PPIL6: variants seen among roughly 807,000 people sequenced by gnomAD.
PPIL6 encodes peptidylprolyl isomerase like 6.
PPIL6 carries 39 observed loss-of-function variants against 36.8 expected under a neutral mutation model. That is an observed-to-expected ratio of 1.06 (90% CI 0.82 to 1.38). PPIL6 has a LOEUF of 1.38. PPIL6 is among the 40% of genes most tolerant of loss of function. PPIL6 has a pLI of 0.00. For missense variants in PPIL6, 368 were observed against 379.1 expected (o/e 0.97, Z 0.24); for synonymous variants, 123 against 134.1 (o/e 0.92, Z 0.57).
At chr6:109,419,367 G>A in intron 5 of PPIL6, 124 bp from the exon 6 acceptor site, 1 of 635,470 alleles carries the variant, frequency 1.6e-6, no homozygotes, top group Non-Finnish European at 2.8e-6. Context: ...GATCACTGGA[G>A]CCCAGGAGTT....
rs968672491 is a variant in PPIL6 at position 109,418,930 on chromosome 6, C to T, written c.688+257G>A. On this transcript the variant is annotated intron_variant, in intron 6 of 7. Coordinates refer to ENST00000521072, the MANE Select transcript of PPIL6 (RefSeq NM_173672.5). ...TTACAAGCCCTAAAAATATAAATTC[C>T]CTTTGACTCTACAATCCTAATTCTG... 7.1e-4 allele frequency among the ~76,000 whole-genome samples: 108 copies of T among 152,220 alleles called. 1 individual carries two copies. Among genetic ancestry groups the T allele is most frequent in the African/African-American group, 2.6e-3 (106 of 41,522 alleles).
Position 109,437,640 on chromosome 6 carries a change from C to T in PPIL6, c.136-1441G>A, listed in dbSNP as rs562079362. On this transcript the variant is annotated intron_variant, in intron 1 of 7. Coordinates refer to ENST00000521072, the MANE Select transcript of PPIL6 (RefSeq NM_173672.5). The stretch of plus-strand genomic sequence containing the variant: ...TGTGACCTCAGCTCACTGCAACCTC[C>T]GTCTCCTGGGTTCAAGCAATTCTCC... 4.0e-4 allele frequency among the ~76,000 whole-genome samples: 60 copies of T among 149,048 alleles called. No homozygotes were observed. The South Asian group carries it at 0.01, about 26-fold the overall frequency.
chr6:109,427,200 A>C, intron 3 of PPIL6, 44 bp from the exon 4 acceptor site: 1 of 1,460,982 alleles, frequency 6.8e-7, no homozygotes, highest in Non-Finnish European at 9.4e-7. Context: ...TCAAAGTCTT[A>C]CAAGAAAGTT....
intron 6 of PPIL6, 132 bp downstream of exon 6, chr6:109,419,055 T>C: frequency 1.6e-6 from 1 of 644,418 alleles, no homozygotes; most frequent in South Asian, 2.1e-5. Context: ...CCCGATCTGC[T>C]CATTTTTACC....
At chr6:109,412,835 A>T (rs1407180454) in intron 6 of PPIL6, among the ~76,000 whole-genome samples, 1 of 152,216 alleles carries the variant, frequency 6.6e-6, no homozygotes, top group Non-Finnish European at 1.5e-5. Context: ...ATATCAAGTT[A>T]AAAAGATTCT....
chr6:109,407,722 G>A (rs6907946), intron 6 of PPIL6, among the ~76,000 whole-genome samples: 12,903 of 152,116 alleles, frequency 0.085, 1,460 homozygotes, highest in African/African-American at 0.26. Context: ...ACCATCACCA[G>A]TGTACTTTAC....
chr6:109,437,025 T>C (rs1774485965), intron 1 of PPIL6, among the ~76,000 whole-genome samples: 1 of 152,240 alleles, frequency 6.6e-6, no homozygotes, highest in Non-Finnish European at 1.5e-5. Flanking sequence ...AACGTTGTGG[T>C]TATACCCCTT....
In PPIL6 at chr6:109,413,235, A is replaced by C. The variant is rs1773094247; in HGVS notation, c.688+5952T>G. On this transcript the variant is annotated intron_variant, in intron 6 of 7. Coordinates refer to ENST00000521072, the MANE Select transcript of PPIL6 (RefSeq NM_173672.5). This position sits in a 1 kb window ranked among gnomAD's most constrained non-coding sequence, Gnocchi z 4.6. ...CATCTGACGAGGGATTAATAACCAG[A>C]ATATATAAGGAGCTCAAACAACTCT... is the stretch of plus-strand genomic sequence containing the variant. 1.3e-5 allele frequency among the ~76,000 whole-genome samples: 2 copies of C among 152,162 alleles called. No homozygotes were observed. The highest frequency in any genetic ancestry group is 1.3e-4 in the Admixed American group (2 of 15,274).
intron 2 of PPIL6, among the ~76,000 whole-genome samples, chr6:109,432,489 T>C (rs1774211508): frequency 1.3e-5 from 2 of 152,162 alleles, no homozygotes; most frequent in South Asian, 4.1e-4. Context: ...GGAACAGCCA[T>C]GCTCAAACTT....
chr6:109,431,283 A>G lies in PPIL6; in HGVS notation c.294T>C (p.Phe98=), dbSNP rs1323994100. ...SSVISFVNGQ[F]LGDALDLQKW... The stretch of plus-strand genomic sequence containing the variant: ...TCTGCAGATCCAATGCATCACCCAG[A>G]AACTGACCATTAACAAAAGAAATCA... The change falls in exon 3 of 8, where the codon TTT becomes TTC. Residue 98 remains phenylalanine, a synonymous_variant. Transcript: ENST00000521072. 6.2e-7 allele frequency: 1 copy of G among 1,613,388 alleles called. No homozygotes were observed. The highest frequency in any genetic ancestry group is 1.1e-5 in the South Asian group (1 of 90,894).
intron 2 of PPIL6, among the ~76,000 whole-genome samples, chr6:109,432,352 T>TA (rs1405757098): frequency 6.6e-6 from 1 of 152,124 alleles, no homozygotes; most frequent in East Asian, 1.9e-4. Flanking sequence ...TGCAGTGTGT[T>TA]AGTGTTTTCA....
chr6:109,411,415 G>A (rs1467699707), intron 6 of PPIL6, among the ~76,000 whole-genome samples: 1 of 152,210 alleles, frequency 6.6e-6, no homozygotes, highest in African/African-American at 2.4e-5. Flanking sequence ...TTTACTAGCT[G>A]AACATGGTGG....
chr6:109,399,041 G>A (rs928510778), intron 7 of PPIL6, among the ~76,000 whole-genome samples: 5 of 151,694 alleles, frequency 3.3e-5, no homozygotes, highest in Non-Finnish European at 5.9e-5. Context: ...TCCTCCCACC[G>A]AAACTTCTTC....
At chr6:109,410,592 C>A (rs1478141415) in intron 6 of PPIL6, among the ~76,000 whole-genome samples, 1 of 152,114 alleles carries the variant, frequency 6.6e-6, no homozygotes, top group Non-Finnish European at 1.5e-5. Context: ...CCACTTGAAC[C>A]CCCTGCCAAC....
At chr6:109,403,330 A>G (rs1486728631) in intron 6 of PPIL6, among the ~76,000 whole-genome samples, 1 of 151,904 alleles carries the variant, frequency 6.6e-6, no homozygotes, top group Non-Finnish European at 1.5e-5. Context: ...TTTTTTTTCT[A>G]ATAGTAAATT....
At chr6:109,422,999 T>C (rs1773628787) in intron 5 of PPIL6, among the ~76,000 whole-genome samples, 1 of 152,230 alleles carries the variant, frequency 6.6e-6, no homozygotes, top group African/African-American at 2.4e-5. Context: ...AGAGTCTCTC[T>C]GGACTATGGA....
chr6:109,418,405 T>C (rs1007678311), intron 6 of PPIL6, among the ~76,000 whole-genome samples: 4 of 152,190 alleles, frequency 2.6e-5, no homozygotes, highest in African/African-American at 9.7e-5. Flanking sequence ...CCTACACAGA[T>C]GCTGATACTG....
At chr6:109,403,580 A>G (rs1350511161) in intron 6 of PPIL6, among the ~76,000 whole-genome samples, 1 of 152,160 alleles carries the variant, frequency 6.6e-6, no homozygotes, top group African/African-American at 2.4e-5. Flanking sequence ...TGCCAGGGAT[A>G]AAGTATGTGT....
rs149117046 is a variant in PPIL6, at chr6:109,408,084, G to T, written c.689-7914C>A. The stretch of plus-strand genomic sequence containing the variant: ...TGAAATTCATTCTACAGGAGATTCT[G>T]CAGAAAGGGCTCATGGCAACACTAT... On this transcript the variant is annotated intron_variant, in intron 6 of 7. Transcript: ENST00000521072. Among the ~76,000 whole-genome samples the T allele has an allele frequency of 1.4e-3, 209 of 152,328 alleles. 3 individuals are homozygous for T. Among genetic ancestry groups the T allele is most frequent in the African/African-American group, 3.5e-3 (146 of 41,578 alleles).
Sources: allele counts gnomAD v4.1 joint callset (sites outside exome capture counted in the v4.1 genomes callset), GRCh38; gene constraint gnomAD v4.1.1; non-coding constraint Gnocchi (gnomAD v3.1); transcripts MANE v1.5; gene names NCBI Gene and HGNC (gene_info 2026-07-23, HGNC 2026-07-21).